Variants in RPGRIP1 observed in about 807,000 individuals in gnomAD.
RPGRIP1 encodes X-linked retinitis pigmentosa GTPase regulator-interacting protein 1.
A neutral mutation model predicts 157.9 loss-of-function variants in RPGRIP1; 128 were observed. The observed-to-expected ratio is 0.81, with a 90% CI of 0.70 to 0.94. RPGRIP1 has a LOEUF of 0.94. Among genes scored for constraint, RPGRIP1 ranks in the 40% least tolerant of loss-of-function variants. The pLI, the probability that RPGRIP1 is intolerant of heterozygous loss-of-function variation, is 0.00. For missense variants in RPGRIP1, 1,486 were observed against 1,545.8 expected, an observed-to-expected ratio of 0.96 and a Z score of 0.65; for synonymous variants, 554 against 571.6, an observed-to-expected ratio of 0.97 and a Z score of 0.44.
chr14:21,305,145 G>C (rs896059923), intron 6 of RPGRIP1, among the ~76,000 whole-genome samples: 2 of 152,128 alleles, frequency 1.3e-5, no homozygotes, highest in African/African-American at 4.8e-5. Context: ...GTAAGGACAT[G>C]TATCCATCAT....
chr14:21,295,179 A>AT (rs1880716373), intron 3 of RPGRIP1, among the ~76,000 whole-genome samples: 4 of 151,728 alleles, frequency 2.6e-5, no homozygotes, highest in Non-Finnish European at 5.9e-5. Context: ...TCTTTAGTCA[A>AT]TTTTTTTGCC....
At chr14:21,324,351 C>T (rs547747238) in intron 14 of RPGRIP1, 3 of 524,578 alleles carry the variant, frequency 5.7e-6, no homozygotes, top group Non-Finnish European at 1.0e-5. Context: ...TAAAATGTGC[C>T]CCCAGTGTTT....
Position 21,320,081 on chromosome 14 carries a change from G to C in RPGRIP1, c.1371G>C (p.Glu457Asp). 6.2e-7 allele frequency: 1 copy of C among 1,613,574 alleles called. No individual in the cohort carries two copies. The change falls in exon 12 of 25, where the codon GAG becomes GAC. Residue 457 changes from glutamate to aspartate, a missense_variant. Physicochemically the swap from Glu to Asp is conservative, Grantham distance 45. Coordinates refer to ENST00000400017, the MANE Select transcript of RPGRIP1 (RefSeq NM_020366.4). ...NILQKHKQEV[E>D]LLQNAATISQ... Reference sequence around the variant, plus strand: ...TTCAGAAGCATAAACAGGAAGTAGAGCTCCTCCAAAATGCAGCCACAATTT... The same window carrying C: ...TTCAGAAGCATAAACAGGAAGTAGACCTCCTCCAAAATGCAGCCACAATTT...
chr14:21,325,821 A>G lies in RPGRIP1; in HGVS notation c.2368-10A>G. 1.2e-6 allele frequency: 2 copies of G among 1,602,226 alleles called. No homozygotes were observed. The highest frequency in any genetic ancestry group is 1.7e-6 in the Non-Finnish European group (2 of 1,171,732). On this transcript the variant is annotated splice_polypyrimidine_tract_variant and intron_variant, in intron 16 of 24. Coordinates refer to ENST00000400017, the MANE Select transcript of RPGRIP1 (RefSeq NM_020366.4). Reference sequence around the variant, plus strand: ...CCCTTTTCCTCAATCCATGACCAACATCTTTCCAGTTCAGATCGGAGTCTT... The same window carrying G: ...CCCTTTTCCTCAATCCATGACCAACGTCTTTCCAGTTCAGATCGGAGTCTT...
chr14:21,321,655 C>T, intron 13 of RPGRIP1, 199 bp from the exon 14 acceptor site: 1 of 960,898 alleles, frequency 1.0e-6, no homozygotes, highest in Middle Eastern at 3.3e-4. Flanking sequence ...TCAAATTTTG[C>T]CAGTCCTAGG....
intron 2 of RPGRIP1, among the ~76,000 whole-genome samples, chr14:21,290,211 G>A (rs568026851): frequency 5.9e-5 from 9 of 152,106 alleles, no homozygotes; most frequent in East Asian, 1.9e-4. Flanking sequence ...TGGGTCATAC[G>A]GTAACACTAG....
Position 21,324,075 on chromosome 14 carries a change from T to G in RPGRIP1, c.1763-543T>G, listed in dbSNP as rs188945404. On this transcript the variant is annotated intron_variant, in intron 14 of 24. Coordinates refer to ENST00000400017, the MANE Select transcript of RPGRIP1 (RefSeq NM_020366.4). ...TACTCCATTACTCTTTAACTTATAA[T>G]GTACTTTTTGCCTTCTTATGTTGAA... is the stretch of plus-strand genomic sequence containing the variant. 6.6e-5 allele frequency: 11 copies of G among 166,296 alleles called. No individual in the cohort carries two copies. In the East Asian group the frequency reaches 1.8e-3, roughly 28 times the overall value. 10.3% of individuals were successfully genotyped at this position (166,296 alleles called of 1,614,324 possible). A position where few individuals can be genotyped will look rare whatever the true frequency, so the allele number is the denominator to read the frequency against.
chr14:21,303,391 T>G lies in RPGRIP1; in HGVS notation c.648T>G (p.Ile216Met). The G allele has an allele frequency of 1.2e-6, 2 of 1,613,906 alleles. No homozygotes were observed. Among genetic ancestry groups the G allele is most frequent in the Non-Finnish European group, 1.7e-6 (2 of 1,179,858 alleles). ...FSSVISMAKP[I>M]GLCMPNSAHI... ...GTGTCATAAGTATGGCTAAACCCAT[T>G]GGTCTATGCATGCCTAACAGTGCCC... Residue 216 changes from isoleucine (I) to methionine (M), a missense_variant, in exon 6 of 25, where the codon ATT becomes ATG. By Grantham distance (10) the Ile-to-Met change is conservative. Coordinates refer to ENST00000400017, the MANE Select transcript of RPGRIP1 (RefSeq NM_020366.4).
intron 1 of RPGRIP1, among the ~76,000 whole-genome samples, chr14:21,281,776 G>A (rs980730120): frequency 1.3e-5 from 2 of 150,090 alleles, no homozygotes; most frequent in African/African-American, 4.9e-5. Flanking sequence ...TTAAATGCTT[G>A]CCCAGTGATA....
At chr14:21,341,570 C>T (rs1257996588) in intron 21 of RPGRIP1, among the ~76,000 whole-genome samples, 2 of 152,006 alleles carry the variant, frequency 1.3e-5, no homozygotes, top group African/African-American at 4.8e-5. Context: ...TGGTAGGGAA[C>T]CATCCTGGAT....
intron 3 of RPGRIP1, among the ~76,000 whole-genome samples, chr14:21,300,024 G>T (rs1197053454): frequency 1.3e-5 from 2 of 152,166 alleles, no homozygotes; most frequent in Non-Finnish European, 2.9e-5. Context: ...GGCCGGGCGC[G>T]GTGGCTCACG....
chr14:21,323,858 A>C (rs545959100), intron 14 of RPGRIP1: 9 of 152,848 alleles, frequency 5.9e-5, no homozygotes, highest in Non-Finnish European at 1.2e-4. Context: ...TTTAACTCTT[A>C]AAATAGGACC....
chr14:21,328,527 T>A lies in RPGRIP1; in HGVS notation c.2999T>A (p.Val1000Glu). 1 of 1,613,516 alleles carries A rather than the reference T, an allele frequency of 6.2e-7. No individual in the cohort carries two copies. Among genetic ancestry groups the A allele is most frequent in the Middle Eastern group, 1.6e-4 (1 of 6,062 alleles). ...GERKEKEHQVVSYSRRKHGKR... is the reference protein window; with the variant it reads ...GERKEKEHQVESYSRRKHGKR... The stretch of plus-strand genomic sequence containing the variant: ...AGAAAGGAGAAGGAGCACCAGGTTG[T>A]GAGCTACTCAAGAAGAAAACATGGC... Residue 1000 changes from valine to glutamate, a missense_variant, in exon 19 of 25, where the codon GTG becomes GAG. Coordinates refer to ENST00000400017, the MANE Select transcript of RPGRIP1 (RefSeq NM_020366.4).
Position 21,335,165 on chromosome 14 carries a change from A to G in RPGRIP1, c.3339+460A>G, listed in dbSNP as rs111522944. Among the ~76,000 whole-genome samples, 1,040 of 151,670 alleles carry G rather than the reference A, an allele frequency of 6.9e-3. 12 individuals carry two copies. The highest frequency in any genetic ancestry group is 0.022 in the African/African-American group (908 of 41,372). On this transcript the variant is annotated intron_variant, in intron 21 of 24. Coordinates refer to ENST00000400017, the MANE Select transcript of RPGRIP1 (RefSeq NM_020366.4). ...AAATGCAAATTGTTTAGTTAAATTT[A>G]TGTTTCGTGTGAATGAAGGTCGGCT...
chr14:21,297,878 T>TTTCTTTCTTTCTTTCC, intron 3 of RPGRIP1, among the ~76,000 whole-genome samples: 1 of 150,850 alleles, frequency 6.6e-6, no homozygotes, highest in South Asian at 2.1e-4. Flanking sequence ...TCTTTCTTTC[T>TTTCTTTCTTTCTTTCC]TTTTTTTGAG....
chr14:21,298,356 C>T (rs781293039), intron 3 of RPGRIP1, among the ~76,000 whole-genome samples: 5 of 151,624 alleles, frequency 3.3e-5, no homozygotes, highest in African/African-American at 9.7e-5. Flanking sequence ...AAAGATTATC[C>T]GGGCGTGGTG....
At chr14:21,303,761 C>A (rs530162362) in intron 6 of RPGRIP1, among the ~76,000 whole-genome samples, 8 of 150,176 alleles carry the variant, frequency 5.3e-5, no homozygotes, top group Non-Finnish European at 1.0e-4. Flanking sequence ...CCGAGGCAGG[C>A]CGATCACCTG....
chr14:21,349,896 T>G lies in RPGRIP1; in HGVS notation c.3749-1208T>G, dbSNP rs1004540260. 5.3e-5 allele frequency among the ~76,000 whole-genome samples: 8 copies of G among 152,232 alleles called. 1 individual carries two copies. The highest frequency in any genetic ancestry group is 4.4e-5 in the Non-Finnish European group (3 of 68,030). ...GGACTGCGCTGTCCAGTCTTCACTGTTCCCATTACCTTACATAGCTGGGAT... is the reference window on the plus strand; with the variant it reads ...GGACTGCGCTGTCCAGTCTTCACTGGTCCCATTACCTTACATAGCTGGGAT... On this transcript the variant is annotated intron_variant, in intron 24 of 24. Coordinates refer to ENST00000400017, the MANE Select transcript of RPGRIP1 (RefSeq NM_020366.4).
chr14:21,302,206 G>A (rs10136973), intron 4 of RPGRIP1, among the ~76,000 whole-genome samples: 3 of 152,160 alleles, frequency 2.0e-5, no homozygotes, highest in Admixed American at 6.6e-5. Context: ...TAGATACAAA[G>A]ATGGTTAGAG....
Sources: gnomAD v4.1 joint callset for allele counts (sites outside exome capture counted in the v4.1 genomes callset) on GRCh38, gnomAD v4.1.1 for gene constraint, MANE v1.5 for transcripts, NCBI Gene and HGNC (gene_info 2026-07-23, HGNC 2026-07-21) for gene names.